BCL2L1: variants seen among roughly 807,000 people sequenced by gnomAD.
BCL2L1 encodes bcl-2-like protein 1.
A neutral mutation model predicts 18.7 loss-of-function variants in BCL2L1; 1 was observed. The observed-to-expected ratio is 0.05, with a 90% CI of 0.02 to 0.25. The LOEUF is 0.25. BCL2L1 is among the 10% of genes least tolerant of loss of function. The pLI, the probability that BCL2L1 is intolerant of heterozygous loss-of-function variation, is 1.00. For missense variants in BCL2L1, 207 were observed against 304.9 expected, an observed-to-expected ratio of 0.68 and a Z score of 2.39; for synonymous variants, 103 against 122.7, an observed-to-expected ratio of 0.84 and a Z score of 1.06.
At chr20:31,676,905 A>G (rs1363713767) in intron 2 of BCL2L1, among the ~76,000 whole-genome samples, 2 of 152,198 alleles carry the variant, frequency 1.3e-5, no homozygotes, top group African/African-American at 4.8e-5. Context: ...CTTCCCTGTC[A>G]GGGAGCTGAT....
At chr20:31,706,888 T>C (rs1208378038) in intron 2 of BCL2L1, among the ~76,000 whole-genome samples, 1 of 152,136 alleles carries the variant, frequency 6.6e-6, no homozygotes, top group Admixed American at 6.5e-5. Flanking sequence ...CTTCAACATA[T>C]GAGGCAACAG....
At chr20:31,713,385 A>G in intron 2 of BCL2L1, 1 of 985,420 alleles carries the variant, frequency 1.0e-6, no homozygotes, top group Non-Finnish European at 1.2e-6. Context: ...ACGTCCAAAA[A>G]AAGTAGTTTT....
At chr20:31,697,255 T>C (rs1275420946) in intron 2 of BCL2L1, among the ~76,000 whole-genome samples, 3 of 151,972 alleles carry the variant, frequency 2.0e-5, no homozygotes, top group Admixed American at 1.3e-4. Context: ...CAGCTCTCAA[T>C]AGAGGGACAG....
At chr20:31,685,847 T>C (rs534505760) in intron 2 of BCL2L1, among the ~76,000 whole-genome samples, 1 of 152,246 alleles carries the variant, frequency 6.6e-6, no homozygotes, top group East Asian at 1.9e-4. Flanking sequence ...TGTGTAACAA[T>C]GGCAACCCAC....
chr20:31,674,702 C>T (rs1272070655), intron 2 of BCL2L1, among the ~76,000 whole-genome samples: 1 of 151,906 alleles, frequency 6.6e-6, no homozygotes, highest in Non-Finnish European at 1.5e-5. Context: ...GGACCCCCAT[C>T]TCTATAAGAA....
At chr20:31,669,935 CA>C (rs1288872430) in intron 2 of BCL2L1, among the ~76,000 whole-genome samples, 2 of 152,210 alleles carry the variant, frequency 1.3e-5, no homozygotes, top group African/African-American at 4.8e-5. Context: ...CCACATTTCA[CA>C]AATAAGATGC....
At chr20:31,719,407 C>T (rs572998210) in intron 2 of BCL2L1, among the ~76,000 whole-genome samples, 2 of 152,234 alleles carry the variant, frequency 1.3e-5, no homozygotes, top group South Asian at 2.1e-4. Flanking sequence ...AGTAGCCAGT[C>T]GGTGCAGCTT....
At chr20:31,685,718 C>G (rs1018478966) in intron 2 of BCL2L1, among the ~76,000 whole-genome samples, 1 of 152,098 alleles carries the variant, frequency 6.6e-6, no homozygotes, top group Non-Finnish European at 1.5e-5. Flanking sequence ...CACTAAGATC[C>G]TATCTCCGGG....
chr20:31,706,865 G>A lies in BCL2L1; in HGVS notation c.564+14790C>T, dbSNP rs12624663. Among the ~76,000 whole-genome samples the A allele has an allele frequency of 1.6e-4, 24 of 152,276 alleles. No individual in the cohort carries two copies. In the East Asian group the frequency reaches 4.2e-3, roughly 27 times the overall value. On this transcript the variant is annotated intron_variant, in intron 2 of 2. Coordinates refer to ENST00000307677, the MANE Select transcript of BCL2L1 (RefSeq NM_138578.3). Reference sequence around the variant, plus strand: ...TGCTAGCCCATGAGGGAGGCAAGGCGGGTGTTATCTTTCTTCAACATATGA... The same window carrying A: ...TGCTAGCCCATGAGGGAGGCAAGGCAGGTGTTATCTTTCTTCAACATATGA...
At chr20:31,708,625 T>C (rs117532975) in intron 2 of BCL2L1, among the ~76,000 whole-genome samples, 3,064 of 152,258 alleles carry the variant, frequency 0.02, 46 homozygotes, top group Non-Finnish European at 0.031. Context: ...TCCCCCCAGC[T>C]GAGCCCAGCT....
chr20:31,703,980 TAG>T (rs1283483001), intron 2 of BCL2L1, among the ~76,000 whole-genome samples: 1 of 150,890 alleles, frequency 6.6e-6, no homozygotes, highest in East Asian at 2.0e-4. Flanking sequence ...GTAATTTTAG[TAG>T]AGACGGGGTT....
At chr20:31,710,396 G>A (rs768872156) in intron 2 of BCL2L1, among the ~76,000 whole-genome samples, 6 of 152,240 alleles carry the variant, frequency 3.9e-5, no homozygotes, top group Non-Finnish European at 8.8e-5. Context: ...TCTTCATTAA[G>A]AGATTAGTAT....
At chr20:31,688,417 C>T (rs1421774642) in intron 2 of BCL2L1, among the ~76,000 whole-genome samples, 2 of 141,902 alleles carry the variant, frequency 1.4e-5, no homozygotes, top group Non-Finnish European at 3.0e-5. Context: ...GCATTCCAGC[C>T]TGGGTGACAG....
chr20:31,681,143 T>C (rs951781111), intron 2 of BCL2L1, among the ~76,000 whole-genome samples: 6 of 152,168 alleles, frequency 3.9e-5, no homozygotes, highest in African/African-American at 1.2e-4. Flanking sequence ...TGGTAGGCCA[T>C]TTAAAGACTT....
chr20:31,698,381 T>A (rs1478958795), intron 2 of BCL2L1, among the ~76,000 whole-genome samples: 1 of 152,082 alleles, frequency 6.6e-6, no homozygotes, highest in Non-Finnish European at 1.5e-5. Context: ...TAGCCAAGAT[T>A]ATTGGCATGT....
intron 2 of BCL2L1, among the ~76,000 whole-genome samples, chr20:31,682,702 G>A (rs947321784): frequency 1.3e-5 from 2 of 151,912 alleles, no homozygotes; most frequent in South Asian, 2.1e-4. Context: ...CTATTCTCTC[G>A]CCTTGGCCCC....
At chr20:31,676,094 T>C (rs1270647400) in intron 2 of BCL2L1, among the ~76,000 whole-genome samples, 1 of 152,136 alleles carries the variant, frequency 6.6e-6, no homozygotes, top group African/African-American at 2.4e-5. Flanking sequence ...TCCATCTCTC[T>C]GGCTCAGAAC....
rs1185053704 is a variant in BCL2L1 at position 31,721,583 on chromosome 20, CAGA to C, written c.564+69_564+71del. ...TCACCCAACACAACAGAAAGAGATA[CAGA>C]AGAAGGGCTGTTGGGGATCTCTGAC... On this transcript the variant is annotated intron_variant, in intron 2 of 2. Transcript: ENST00000307677. The C allele has an allele frequency of 2.7e-6, 4 of 1,490,282 alleles. No individual in the cohort carries two copies. The African/African-American group carries it at 4.2e-5, about 16-fold the overall frequency. 92.3% of individuals were successfully genotyped at this position (1,490,282 alleles called of 1,614,324 possible). A position where few individuals can be genotyped will look rare whatever the true frequency, so the allele number is the denominator to read the frequency against.
At chr20:31,667,239 T>C (rs1353802298) in intron 2 of BCL2L1, among the ~76,000 whole-genome samples, 3 of 152,048 alleles carry the variant, frequency 2.0e-5, no homozygotes, top group Admixed American at 1.3e-4. Flanking sequence ...GGTGGGTGGA[T>C]TGCCTGAGGT....
Sources: gnomAD v4.1 joint callset for allele counts (sites outside exome capture counted in the v4.1 genomes callset) on GRCh38, gnomAD v4.1.1 for gene constraint, MANE v1.5 for transcripts, NCBI Gene and HGNC (gene_info 2026-07-23, HGNC 2026-07-21) for gene names.